The following SCN8A variants were observed in gnomAD, a reference collection of about 807,000 sequenced individuals.
SCN8A encodes sodium voltage-gated channel alpha subunit 8.
A neutral mutation model predicts 184.1 loss-of-function variants in SCN8A; 30 were observed. The ratio of observed to expected loss-of-function variants is 0.16; its 90% CI spans 0.12 to 0.22. SCN8A has a LOEUF of 0.22. Ranked by LOEUF, SCN8A falls within the 10% of genes least tolerant of loss-of-function variation. The pLI, the probability that SCN8A is intolerant of heterozygous loss-of-function variation, is 1.00. For missense variants in SCN8A, 1,057 were observed against 2,498.9 expected, an observed-to-expected ratio of 0.42 and a Z score of 12.30; for synonymous variants, 852 against 907.0, an observed-to-expected ratio of 0.94 and a Z score of 1.09.
At chr12:51,665,909 A>G (rs1186368390) in intron 2 of SCN8A, among the ~76,000 whole-genome samples, 1 of 152,100 alleles carries the variant, frequency 6.6e-6, no homozygotes, top group Non-Finnish European at 1.5e-5. Context: ...TAAAAATACA[A>G]AAATTAGCTG....
intron 14 of SCN8A, 141 bp from the exon 15 acceptor site, chr12:51,762,361 TC>T: frequency 1.3e-6 from 1 of 762,086 alleles, no homozygotes; most frequent in Non-Finnish European, 2.1e-6. Context: ...TCATGAGACA[TC>T]CAGGTATTGA....
chr12:51,617,697 T>A (rs1367698286), intron 1 of SCN8A, among the ~76,000 whole-genome samples: 1 of 152,236 alleles, frequency 6.6e-6, no homozygotes, highest in African/African-American at 2.4e-5. Flanking sequence ...TAGAAGACTT[T>A]GGGTCTTGTT....
At chr12:51,676,185 A>G (rs888623543) in intron 2 of SCN8A, among the ~76,000 whole-genome samples, 4 of 152,134 alleles carry the variant, frequency 2.6e-5, no homozygotes, top group African/African-American at 9.7e-5. Flanking sequence ...TAGTATTTCT[A>G]AGGGGAGCTG....
At chr12:51,705,348 G>A in intron 9 of SCN8A, 69 bp from the exon 10 acceptor site, 1 of 1,443,216 alleles carries the variant, frequency 6.9e-7, no homozygotes, top group Non-Finnish European at 9.7e-7. Flanking sequence ...GAGGAACTTG[G>A]CCCATTAGCT....
At chr12:51,714,929 G>A (rs1941940921) in intron 11 of SCN8A, among the ~76,000 whole-genome samples, 1 of 152,170 alleles carries the variant, frequency 6.6e-6, no homozygotes, top group Admixed American at 6.5e-5. Context: ...TTGAAAAGAG[G>A]GAGTAAGGCC....
At chr12:51,629,292 A>G (rs1565865374) in intron 1 of SCN8A, among the ~76,000 whole-genome samples, 1 of 152,110 alleles carries the variant, frequency 6.6e-6, no homozygotes, top group Non-Finnish European at 1.5e-5. Context: ...GAGTGTCTCA[A>G]TCTTGGCCTT....
At chr12:51,673,396 G>A (rs572231575) in intron 2 of SCN8A, among the ~76,000 whole-genome samples, 14 of 152,270 alleles carry the variant, frequency 9.2e-5, no homozygotes, top group African/African-American at 3.1e-4. Context: ...GGATACTGAG[G>A]AACAACTGTA....
At chr12:51,720,940 G>C (rs943551773) in intron 11 of SCN8A, among the ~76,000 whole-genome samples, 1 of 151,402 alleles carries the variant, frequency 6.6e-6, no homozygotes, top group Non-Finnish European at 1.5e-5. Flanking sequence ...GGTGGTGGAT[G>C]CCTGTAATCC....
At chr12:51,686,036 A>G (rs531989797) in intron 3 of SCN8A, among the ~76,000 whole-genome samples, 5 of 152,364 alleles carry the variant, frequency 3.3e-5, no homozygotes, top group African/African-American at 1.2e-4. Flanking sequence ...CAAAGGTATT[A>G]TACTAAGTGC....
At chr12:51,688,818 G>A (rs1161949273) in intron 5 of SCN8A, 187 bp from the exon 6 acceptor site, 1 of 1,613,924 alleles carries the variant, frequency 6.2e-7, no homozygotes, top group South Asian at 1.1e-5. Context: ...TCAGGGTACT[G>A]AGGGCTTTGA....
At chr12:51,680,783 TC>T (rs1278055215) in intron 2 of SCN8A, among the ~76,000 whole-genome samples, 9 of 151,962 alleles carry the variant, frequency 5.9e-5, no homozygotes, top group African/African-American at 2.2e-4. Flanking sequence ...AGGCGGATCA[TC>T]CGAAGTCAGG....
intron 1 of SCN8A, among the ~76,000 whole-genome samples, chr12:51,596,809 G>A (rs576568680): frequency 1.2e-4 from 19 of 152,250 alleles, no homozygotes; most frequent in African/African-American, 3.4e-4. Flanking sequence ...TCTTTCATCC[G>A]TGTCTCTTGC....
intron 21 of SCN8A, among the ~76,000 whole-genome samples, chr12:51,783,903 TC>T (rs1483299330): frequency 2.6e-5 from 4 of 152,200 alleles, no homozygotes; most frequent in Admixed American, 6.5e-5. Flanking sequence ...AGTATAAACT[TC>T]CATTGATAAA....
chr12:51,738,387 T>C, intron 12 of SCN8A, among the ~76,000 whole-genome samples: 1 of 152,208 alleles, frequency 6.6e-6, no homozygotes, highest in East Asian at 1.9e-4. Context: ...CTTTACCAAC[T>C]CCAACTATGT....
At chr12:51,638,239 C>G (rs1013382236) in intron 1 of SCN8A, among the ~76,000 whole-genome samples, 1 of 152,202 alleles carries the variant, frequency 6.6e-6, no homozygotes, top group Non-Finnish European at 1.5e-5. Context: ...TGTATTCATG[C>G]CAGCTAACAC....
chr12:51,798,893 G>T (rs1429561215), intron 26 of SCN8A, among the ~76,000 whole-genome samples: 1 of 152,180 alleles, frequency 6.6e-6, no homozygotes, highest in African/African-American at 2.4e-5. Context: ...CAAACCATTT[G>T]CTACAGCCCA....
intron 2 of SCN8A, among the ~76,000 whole-genome samples, chr12:51,669,421 G>A (rs969135155): frequency 6.6e-6 from 1 of 152,130 alleles, no homozygotes; most frequent in African/African-American, 2.4e-5. Flanking sequence ...GTCACATATT[G>A]TATTTTAGCT....
chr12:51,757,087 G>C (rs1201518120), intron 14 of SCN8A, among the ~76,000 whole-genome samples: 1 of 151,986 alleles, frequency 6.6e-6, no homozygotes, highest in Non-Finnish European at 1.5e-5. Flanking sequence ...TTTAGTTATT[G>C]TTCTGTCCCC....
chr12:51,706,774 G>A, intron 11 of SCN8A, 59 bp downstream of exon 11: 1 of 1,189,660 alleles, frequency 8.4e-7, no homozygotes, highest in Non-Finnish European at 1.2e-6. Flanking sequence ...AAGGTAAAAT[G>A]TGTATATGTA....
Sources: allele counts gnomAD v4.1 joint callset (sites outside exome capture counted in the v4.1 genomes callset), GRCh38; gene constraint gnomAD v4.1.1; transcripts MANE v1.5; gene names NCBI Gene and HGNC (gene_info 2026-07-23, HGNC 2026-07-21).